Variants in PTPN20 observed in about 807,000 individuals in gnomAD.
PTPN20 encodes the protein tyrosine-protein phosphatase non-receptor type 20.
A neutral mutation model predicts 35.0 loss-of-function variants in PTPN20; 9 were observed. The observed-to-expected ratio is 0.26, with a 90% CI of 0.15 to 0.45. The LOEUF is 0.45. Among genes scored for constraint, PTPN20 ranks in the 20% least tolerant of loss-of-function variants. The pLI is 1.00. For synonymous variants in PTPN20, 32 were observed against 100.2 expected (o/e 0.32, Z 4.06); for missense variants, 111 against 312.5 (o/e 0.36, Z 4.86).
chr10:47,002,836 C>T (rs1178820442), downstream of PTPN20, among the ~76,000 whole-genome samples: 3 of 151,832 alleles, frequency 2.0e-5, no homozygotes, highest in Non-Finnish European at 4.4e-5. Flanking sequence ...GGACCTTTTA[C>T]CCCCAATCTC....
chr10:46,932,674 G>A, intron 2 of PTPN20, 141 bp downstream of exon 2: 2 of 1,471,478 alleles, frequency 1.4e-6, no homozygotes, highest in East Asian at 2.3e-5. Flanking sequence ...GGGGTGGGGT[G>A]GGGGGCAAGA....
intron 1 of PTPN20, among the ~76,000 whole-genome samples, chr10:46,929,370 C>G (rs2038803151): frequency 6.7e-6 from 1 of 148,698 alleles, no homozygotes; most frequent in East Asian, 2.0e-4. Context: ...ATTTTCTATA[C>G]TATTGCACCT....
intron 7 of PTPN20, among the ~76,000 whole-genome samples, chr10:46,972,253 C>G (rs2052410850): frequency 6.6e-6 from 1 of 151,536 alleles, no homozygotes; most frequent in East Asian, 1.9e-4. Flanking sequence ...GGACAAATAA[C>G]CCAACACTAA....
chr10:47,000,729 G>A lies in PTPN20; in HGVS notation c.1251G>A (p.Leu417=). The A allele has an allele frequency of 1.9e-6, 3 of 1,613,574 alleles. No homozygotes were observed. Among genetic ancestry groups the A allele is most frequent in the Non-Finnish European group, 2.5e-6 (3 of 1,179,586 alleles). The part of the protein sequence containing the change: ...DIVLEVLRKL[L]TLD ...TGCTTGAAGTTCTTCGGAAACTTCT[G>A]ACTTTGGATTAAGAAAGACTTCTGT... Residue 417 remains leucine, a synonymous_variant, in exon 11 of 11, where the codon CTG becomes CTA. Coordinates refer to ENST00000374339, the MANE Select transcript of PTPN20 (RefSeq NM_001042357.5).
At chr10:46,995,844 G>A (rs1318314310) in intron 9 of PTPN20, among the ~76,000 whole-genome samples, 2 of 152,112 alleles carry the variant, frequency 1.3e-5, no homozygotes, top group Non-Finnish European at 2.9e-5. Flanking sequence ...AATGGGCATT[G>A]CAGATGTGGA....
intron 9 of PTPN20, among the ~76,000 whole-genome samples, chr10:46,996,049 C>G (rs1180558044): frequency 5.3e-5 from 8 of 152,112 alleles, no homozygotes; most frequent in African/African-American, 1.9e-4. Context: ...GAAGTCCTCT[C>G]TTGTCTTTTT....
chr10:46,983,230 C>T (rs1419930005), intron 7 of PTPN20, among the ~76,000 whole-genome samples: 3 of 151,990 alleles, frequency 2.0e-5, no homozygotes, highest in Admixed American at 6.6e-5. Flanking sequence ...ATGTGAGCCA[C>T]CGCGCCTGGC....
At chr10:46,998,637 ACT>A (rs146396541) in intron 9 of PTPN20, among the ~76,000 whole-genome samples, 48,675 of 151,704 alleles carry the variant, frequency 0.32, 8,143 homozygotes, top group South Asian at 0.48. Context: ...ACACATACAC[ACT>A]CTCACACACT....
rs1268090671 is a variant in PTPN20 at position 46,985,080 on chromosome 10, TGGAG to T, written c.918+521_918+524del. 4.9e-5 allele frequency among the ~76,000 whole-genome samples: 6 copies of T among 123,132 alleles called. No homozygotes were observed. In the South Asian group the frequency reaches 8.9e-4, roughly 18 times the overall value. 80.8% of individuals were successfully genotyped at this position (123,132 alleles called of 152,430 possible). A position where few individuals can be genotyped will look rare whatever the true frequency, so the allele number is the denominator to read the frequency against. On this transcript the variant is annotated intron_variant, in intron 8 of 10. Transcript: ENST00000374339. Reference sequence around the variant, plus strand: ...TTGAGAATTATGCAAATGAAAAAGATGGAGGGAGAAAGTAGATGATCAAAATATA... The same window carrying T: ...TTGAGAATTATGCAAATGAAAAAGATGGAGAAAGTAGATGATCAAAATATA...
At chr10:46,940,876 G>T (rs1382794810) in intron 3 of PTPN20, among the ~76,000 whole-genome samples, 159 bp downstream of exon 3, 1 of 151,848 alleles carries the variant, frequency 6.6e-6, no homozygotes, top group East Asian at 1.9e-4. Flanking sequence ...GGATTTGAAA[G>T]AGTGGAATTT....
intron 9 of PTPN20, among the ~76,000 whole-genome samples, chr10:46,993,447 G>C (rs1222753121): frequency 6.6e-6 from 1 of 152,228 alleles, no homozygotes; most frequent in Non-Finnish European, 1.5e-5. Flanking sequence ...TGTTGATGCA[G>C]TAGGTCAGGG....
At position 46,940,597 on chromosome 10, in the gene PTPN20, C is replaced by T. The variant is rs1202065438; in HGVS notation, c.35-26C>T. 7.0e-6 allele frequency: 11 copies of T among 1,580,786 alleles called. No homozygotes were observed. The Admixed American group carries it at 1.8e-4, about 26-fold the overall frequency. ...TTCTGTATAGTGTTTTCTATTTGAT[C>T]AGTTTTTCCCCCCGCCTTTGTTCAG... On this transcript the variant is annotated intron_variant, in intron 2 of 10. Coordinates refer to ENST00000374339, the MANE Select transcript of PTPN20 (RefSeq NM_001042357.5).
At chr10:46,925,775 A>T (rs1312885928) in intron 1 of PTPN20, among the ~76,000 whole-genome samples, 1 of 151,556 alleles carries the variant, frequency 6.6e-6, no homozygotes, top group African/African-American at 2.4e-5. Context: ...AGTGTTTTAA[A>T]GAGAAAGTTT....
chr10:46,937,803 TATTGATTG>T (rs1261699308), intron 2 of PTPN20, among the ~76,000 whole-genome samples: 3 of 151,944 alleles, frequency 2.0e-5, no homozygotes, highest in African/African-American at 7.2e-5. Flanking sequence ...AGTACATTTC[TATTGATTG>T]ATTGATTTGG....
rs1357519063 is a variant in PTPN20, at chr10:47,001,873, G to A, written c.*1132G>A. The A allele has an allele frequency of 6.6e-6, 1 of 151,984 alleles. No individual in the cohort carries two copies. The highest frequency in any genetic ancestry group is 1.5e-5 in the Non-Finnish European group (1 of 67,942). The allele number at this position is 151,984 out of a possible 1,614,324, so 9.4% of individuals were successfully genotyped here. A position where few individuals can be genotyped will look rare whatever the true frequency, so the allele number is the denominator to read the frequency against. ...CTCGTACAATTAATAGTGATATTTT[G>A]GACAAGGAGTTCTGGTGACAAGCTA... On this transcript the variant is annotated 3_prime_UTR_variant, in exon 11 of 11. Transcript: ENST00000374339.
intron 1 of PTPN20, among the ~76,000 whole-genome samples, chr10:46,919,262 C>G (rs1400974715): frequency 6.6e-6 from 1 of 152,148 alleles, no homozygotes; most frequent in Non-Finnish European, 1.5e-5. Context: ...TTTGGATGGC[C>G]AGACCATTTA....
In PTPN20 at chr10:46,998,974, C is replaced by T. The variant is rs192654004; in HGVS notation, c.1135-938C>T. ...AAAAAGTTAGCTGGGCATGGTGGAA[C>T]GCACCTATAGTTCTTGCTACTCAGG... On this transcript the variant is annotated intron_variant, in intron 9 of 10. Coordinates refer to ENST00000374339, the MANE Select transcript of PTPN20 (RefSeq NM_001042357.5). 8.6e-3 allele frequency among the ~76,000 whole-genome samples: 1,257 copies of T among 145,738 alleles called. 10 individuals are homozygous for T. Among genetic ancestry groups the T allele is most frequent in the South Asian group, 0.03 (138 of 4,674 alleles).
At chr10:46,997,028 G>A (rs1232370834) in intron 9 of PTPN20, among the ~76,000 whole-genome samples, 2 of 152,142 alleles carry the variant, frequency 1.3e-5, no homozygotes, top group African/African-American at 4.8e-5. Context: ...CTGGGATTTG[G>A]ATGGAAATTA....
Position 47,000,853 on chromosome 10 carries a change from T to G in PTPN20, c.*112T>G. On this transcript the variant is annotated 3_prime_UTR_variant, in exon 11 of 11. Coordinates refer to ENST00000374339, the MANE Select transcript of PTPN20 (RefSeq NM_001042357.5). ...TTTGCTATGCATACAATCTGCTTTC[T>G]TGGTTTATCAGTTTATTTTCTTTCT... is the stretch of plus-strand genomic sequence containing the variant. 3 of 1,344,448 alleles carry G rather than the reference T, an allele frequency of 2.2e-6. No individual in the cohort carries two copies. Among genetic ancestry groups the G allele is most frequent in the Non-Finnish European group, 3.2e-6 (3 of 936,426 alleles). 83.3% of individuals were successfully genotyped at this position (1,344,448 alleles called of 1,614,324 possible).
Sources: allele counts gnomAD v4.1 joint callset (sites outside exome capture counted in the v4.1 genomes callset), GRCh38; gene constraint gnomAD v4.1.1; transcripts MANE v1.5; gene names NCBI Gene and HGNC (gene_info 2026-07-23, HGNC 2026-07-21).